Variants in FRMD3 observed in about 807,000 individuals in gnomAD.
FRMD3 encodes the protein FERM domain-containing protein 3.
In FRMD3, 33 loss-of-function variants were observed where a neutral mutation model predicts 70.2. The observed-to-expected ratio is 0.47, with a 90% CI of 0.36 to 0.63. FRMD3 has a LOEUF of 0.63. Ranked by LOEUF, FRMD3 falls within the 20% of genes least tolerant of loss-of-function variation. The pLI is 0.00. For missense variants in FRMD3, 632 were observed against 711.4 expected (o/e 0.89, Z 1.27); for synonymous variants, 279 against 255.9 (o/e 1.09, Z -0.86).
intron 1 of FRMD3, among the ~76,000 whole-genome samples, chr9:83,528,264 C>T (rs1829724302): frequency 6.6e-6 from 1 of 151,018 alleles, no homozygotes; most frequent in South Asian, 2.1e-4. Context: ...TAGCCTTGTC[C>T]TTCTACTCTT....
intron 1 of FRMD3, among the ~76,000 whole-genome samples, chr9:83,465,584 C>A (rs1196927789): frequency 4.6e-5 from 7 of 152,096 alleles, no homozygotes; most frequent in Admixed American, 1.3e-4. Flanking sequence ...GATTTCTGTA[C>A]AATTTACATT....
chr9:83,548,423 A>C, the FRMD3 span, among the ~76,000 whole-genome samples: 40 of 152,326 alleles, frequency 2.6e-4, no homozygotes, highest in African/African-American at 7.9e-4. Flanking sequence ...AGTCATGAAG[A>C]GACATGGAAG....
chr9:83,248,966 G>A (rs1832271410), intron 13 of FRMD3, among the ~76,000 whole-genome samples: 1 of 152,026 alleles, frequency 6.6e-6, no homozygotes, highest in African/African-American at 2.4e-5. Context: ...CTTCATTCTA[G>A]ACACAATTTT....
intron 1 of FRMD3, among the ~76,000 whole-genome samples, chr9:83,419,227 C>T (rs569655585): frequency 1.3e-5 from 2 of 152,248 alleles, no homozygotes; most frequent in Admixed American, 1.3e-4. Flanking sequence ...TCTCAGAATT[C>T]ACCACTATGT....
chr9:83,491,206 G>C lies in FRMD3; in HGVS notation c.147+46879C>G, dbSNP rs566847129. The stretch of plus-strand genomic sequence containing the variant: ...CTTAGCTACCTCAACTACGACATTT[G>C]AGTATCAGAACTTGAGATAAAAGGA... On this transcript the variant is annotated intron_variant, in intron 1 of 13. Transcript: ENST00000304195. 3.9e-5 allele frequency among the ~76,000 whole-genome samples: 6 copies of C among 152,224 alleles called. No individual in the cohort carries two copies. The East Asian group carries it at 1.2e-3, about 29-fold the overall frequency.
At chr9:83,547,269 CTTCT>C in the FRMD3 span, among the ~76,000 whole-genome samples, 1 of 147,068 alleles carries the variant, frequency 6.8e-6, no homozygotes, top group Non-Finnish European at 1.5e-5. Flanking sequence ...ATATAATGAC[CTTCT>C]TTGTCATTAT....
intron 13 of FRMD3, among the ~76,000 whole-genome samples, chr9:83,258,508 G>A (rs772005319): frequency 1.3e-5 from 2 of 152,342 alleles, no homozygotes; most frequent in East Asian, 1.9e-4. Context: ...AATATTGGGC[G>A]TCAGCAGAAC....
At chr9:83,324,322 T>C (rs1458233942) in intron 6 of FRMD3, among the ~76,000 whole-genome samples, 1 of 151,980 alleles carries the variant, frequency 6.6e-6, no homozygotes. Flanking sequence ...AACCCAAAAT[T>C]CAGAAAAGTG....
chr9:83,374,464 A>G (rs1239027596), intron 2 of FRMD3, among the ~76,000 whole-genome samples: 2 of 152,212 alleles, frequency 1.3e-5, no homozygotes, highest in Non-Finnish European at 1.5e-5. Context: ...GGCTAAAATT[A>G]TATCAACTCA....
intron 4 of FRMD3, among the ~76,000 whole-genome samples, chr9:83,347,330 C>T (rs1159101525): frequency 3.3e-5 from 5 of 152,140 alleles, no homozygotes; most frequent in African/African-American, 7.2e-5. Context: ...AAAAATAATG[C>T]ATCTCCCTTT....
chr9:83,567,648 T>G, the FRMD3 span, among the ~76,000 whole-genome samples: 10 of 152,258 alleles, frequency 6.6e-5, no homozygotes, highest in East Asian at 1.9e-3. Flanking sequence ...CCCTAAATCA[T>G]CTCTCTCAAG....
chr9:83,267,863 C>T (rs1026851681), intron 13 of FRMD3, among the ~76,000 whole-genome samples: 3 of 152,176 alleles, frequency 2.0e-5, no homozygotes, highest in Non-Finnish European at 4.4e-5. Flanking sequence ...TGTTCAGTAG[C>T]TATATATGGT....
intron 1 of FRMD3, among the ~76,000 whole-genome samples, chr9:83,438,728 C>T (rs1827211905): frequency 1.3e-5 from 2 of 152,186 alleles, no homozygotes; most frequent in Non-Finnish European, 2.9e-5. Context: ...CACAGATGTA[C>T]GATCAGATCT....
intron 6 of FRMD3, chr9:83,332,059 G>A: frequency 3.3e-6 from 2 of 615,084 alleles, no homozygotes; most frequent in Non-Finnish European, 5.8e-6. Flanking sequence ...CCCCCAGCTG[G>A]CCTCTGGTGG....
intron 1 of FRMD3, among the ~76,000 whole-genome samples, chr9:83,409,247 A>C (rs376012543): frequency 6.6e-6 from 1 of 152,212 alleles, no homozygotes; most frequent in Non-Finnish European, 1.5e-5. Context: ...AGCCAGGCGC[A>C]TTGAACTGAA....
chr9:83,470,850 G>T (rs1298645483), intron 1 of FRMD3, among the ~76,000 whole-genome samples: 1 of 152,252 alleles, frequency 6.6e-6, no homozygotes, highest in African/African-American at 2.4e-5. Context: ...TCACTTTAGG[G>T]TGATTCTCCT....
Sources: allele counts gnomAD v4.1 joint callset (sites outside exome capture counted in the v4.1 genomes callset), GRCh38; gene constraint gnomAD v4.1.1; transcripts MANE v1.5; gene names NCBI Gene and HGNC (gene_info 2026-07-23, HGNC 2026-07-21).